The following FUT9 variants were observed in gnomAD, a reference collection of about 807,000 sequenced individuals.
FUT9 encodes the protein fucosyltransferase 9.
FUT9 carries 15 observed loss-of-function variants against 29.7 expected under a neutral mutation model. The observed-to-expected ratio is 0.51, with a 90% CI of 0.34 to 0.78. FUT9 has a LOEUF of 0.78. Ranked by LOEUF, FUT9 falls within the 30% of genes least tolerant of loss-of-function variation. The pLI, the probability that FUT9 is intolerant of heterozygous loss-of-function variation, is 0.01. For synonymous variants in FUT9, 169 were observed against 153.7 expected, an observed-to-expected ratio of 1.10 and a Z score of -0.74; for missense variants, 319 against 425.4, an observed-to-expected ratio of 0.75 and a Z score of 2.20.
chr6:96,125,268 G>A (rs191898720), intron 2 of FUT9, among the ~76,000 whole-genome samples: 1 of 152,220 alleles, frequency 6.6e-6, no homozygotes, highest in Admixed American at 6.5e-5. Context: ...CTTCCAAATT[G>A]CATAACCAAA....
intron 2 of FUT9, among the ~76,000 whole-genome samples, chr6:96,156,545 G>T (rs2127978382): frequency 6.6e-6 from 1 of 152,272 alleles, no homozygotes; most frequent in Admixed American, 6.5e-5. Context: ...TTCCCTATTT[G>T]TATAAGGCAT....
intron 2 of FUT9, among the ~76,000 whole-genome samples, chr6:96,155,117 GGTT>G (rs1471939107): frequency 6.6e-6 from 1 of 152,124 alleles, no homozygotes; most frequent in Non-Finnish European, 1.5e-5. Context: ...CAGCAGTCAA[GGTT>G]TACTTCCCTA....
rs926060109 is a variant in FUT9 at position 96,212,837 on chromosome 6, A to C, written c.*8602A>C. The C allele has an allele frequency of 1.2e-5, 2 of 166,834 alleles. No individual in the cohort carries two copies. The highest frequency in any genetic ancestry group is 4.8e-5 in the African/African-American group (2 of 41,436). The allele number at this position is 166,834 out of a possible 1,614,324, so 10.3% of individuals were successfully genotyped here. On this transcript the variant is annotated 3_prime_UTR_variant, in exon 3 of 3. Coordinates refer to ENST00000302103, the MANE Select transcript of FUT9 (RefSeq NM_006581.4). The stretch of plus-strand genomic sequence containing the variant: ...CTAGATTCAAGTTCACAAAGCGGCA[A>C]AAAGGAGAAAAGTGTCAACAAGAAA...
chr6:96,182,258 T>C (rs1773323051), intron 2 of FUT9, among the ~76,000 whole-genome samples: 1 of 152,118 alleles, frequency 6.6e-6, no homozygotes, highest in South Asian at 2.1e-4. Context: ...CTTAGCCCAC[T>C]TTTTGATGGA....
intron 2 of FUT9, among the ~76,000 whole-genome samples, chr6:96,158,302 C>A (rs769511105): frequency 1.3e-5 from 2 of 151,816 alleles, no homozygotes; most frequent in Non-Finnish European, 2.9e-5. Context: ...AAGGATTTTC[C>A]CCACTGTGCA....
chr6:96,174,418 C>T (rs1447819803), intron 2 of FUT9, among the ~76,000 whole-genome samples: 1 of 151,878 alleles, frequency 6.6e-6, no homozygotes, highest in Non-Finnish European at 1.5e-5. Flanking sequence ...TAAATGATGG[C>T]AAATTATAAT....
intron 2 of FUT9, among the ~76,000 whole-genome samples, chr6:96,137,136 T>C (rs190481288): frequency 6.6e-6 from 1 of 152,010 alleles, no homozygotes; most frequent in East Asian, 1.9e-4. Context: ...TGAGGTGCTG[T>C]AAGGCATGGA....
chr6:96,120,565 G>C (rs1310948487), intron 2 of FUT9, among the ~76,000 whole-genome samples: 3 of 145,220 alleles, frequency 2.1e-5, no homozygotes, highest in Non-Finnish European at 3.0e-5. Flanking sequence ...TTACAGGCGT[G>C]AACCACCGTG....
At chr6:96,138,071 C>A (rs2127971919) in intron 2 of FUT9, among the ~76,000 whole-genome samples, 1 of 152,206 alleles carries the variant, frequency 6.6e-6, no homozygotes, top group South Asian at 2.1e-4. Context: ...TTTTGATGGA[C>A]ATTGTACATA....
intron 1 of FUT9, among the ~76,000 whole-genome samples, chr6:96,053,872 T>C (rs1413447884): frequency 1.3e-5 from 2 of 152,186 alleles, no homozygotes; most frequent in East Asian, 3.8e-4. Flanking sequence ...TTGTATATAA[T>C]ATTTATTTAT....
chr6:96,164,288 G>GCT (rs1184616670), intron 2 of FUT9, among the ~76,000 whole-genome samples: 2 of 103,194 alleles, frequency 1.9e-5, no homozygotes, highest in Non-Finnish European at 3.5e-5. Context: ...ACGGAGTCTT[G>GCT]CTCTCTTTCG....
intron 2 of FUT9, among the ~76,000 whole-genome samples, chr6:96,193,202 T>C (rs1172790562): frequency 2.2e-4 from 2 of 9,210 alleles, no homozygotes; most frequent in Non-Finnish European, 4.9e-3. Context: ...AATAGACAAA[T>C]GGGATCTAAT....
rs777328984 is a variant in FUT9, at chr6:96,204,044, G to T, written c.889G>T (p.Glu297Ter). ...IHVEDYNSPS[E>*]LAKYLKEVDK... The stretch of plus-strand genomic sequence containing the variant: ...TGTGGAAGATTATAACTCTCCCAGT[G>T]AGCTAGCAAAGTATCTGAAGGAAGT... Residue 297 changes from glutamate (E) to a stop codon, truncating the protein, a stop_gained, in exon 3 of 3, where the codon GAG becomes TAG. Transcript: ENST00000302103. LOFTEE classifies it high-confidence loss of function. 1 of 1,583,812 alleles carries T rather than the reference G, an allele frequency of 6.3e-7. No homozygotes were observed. The highest frequency in any genetic ancestry group is 8.6e-7 in the Non-Finnish European group (1 of 1,165,638).
Position 96,037,552 on chromosome 6 carries a change from A to G in FUT9, c.-98+21340A>G, listed in dbSNP as rs572794829. The G allele has an allele frequency of 2.0e-5, 3 of 152,172 alleles. No homozygotes were observed. In the South Asian group the frequency reaches 6.2e-4, roughly 32 times the overall value. The allele number at this position is 152,172 out of a possible 1,614,324, so 9.4% of individuals were successfully genotyped here. A position where few individuals can be genotyped will look rare whatever the true frequency, so the allele number is the denominator to read the frequency against. ...TTGATATTTAATGACTTTGATATGGATGAAGTTGGGGAACAGCAAATACTG... is the reference window on the plus strand; with the variant it reads ...TTGATATTTAATGACTTTGATATGGGTGAAGTTGGGGAACAGCAAATACTG... On this transcript the variant is annotated intron_variant, in intron 1 of 2. Transcript: ENST00000302103.
chr6:96,111,079 T>C (rs1032915340), intron 1 of FUT9, among the ~76,000 whole-genome samples: 5 of 152,230 alleles, frequency 3.3e-5, no homozygotes, highest in Non-Finnish European at 7.3e-5. Flanking sequence ...ATCATCTTAA[T>C]GTTTCATCTT....
chr6:96,031,713 T>G (rs1035082857), intron 1 of FUT9, among the ~76,000 whole-genome samples: 2 of 151,578 alleles, frequency 1.3e-5, no homozygotes, highest in African/African-American at 4.8e-5. Flanking sequence ...TAGTACATTT[T>G]GAAGAATTGA....
chr6:96,185,726 A>G lies in FUT9; in HGVS notation c.-8-17422A>G, dbSNP rs1030170267. 5.9e-5 allele frequency among the ~76,000 whole-genome samples: 9 copies of G among 152,178 alleles called. No individual in the cohort carries two copies. The East Asian group carries it at 1.2e-3, about 20-fold the overall frequency. On this transcript the variant is annotated intron_variant, in intron 2 of 2. Transcript: ENST00000302103. ...TCTGGTGGGAGGGAAAAAAGCAAGA[A>G]TGTTCTCTTTGATGTATTCTCTTCT...
intron 2 of FUT9, among the ~76,000 whole-genome samples, chr6:96,124,013 T>A (rs1416863793): frequency 6.6e-6 from 1 of 152,052 alleles, no homozygotes; most frequent in Non-Finnish European, 1.5e-5. Context: ...ACATTTTATG[T>A]AAGTTAGTTA....
intron 2 of FUT9, among the ~76,000 whole-genome samples, chr6:96,198,782 G>T (rs1341261585): frequency 1.3e-5 from 2 of 152,118 alleles, no homozygotes. Context: ...AGCACCTGTT[G>T]TTTCCTGACT....
Sources: gnomAD v4.1 joint callset for allele counts (sites outside exome capture counted in the v4.1 genomes callset) on GRCh38, gnomAD v4.1.1 for gene constraint, MANE v1.5 for transcripts, NCBI Gene and HGNC (gene_info 2026-07-23, HGNC 2026-07-21) for gene names.